Variants in RSU1 observed in about 807,000 individuals in gnomAD.
RSU1 encodes the protein Ras suppressor protein 1.
In RSU1, 26 loss-of-function variants were observed where a neutral mutation model predicts 31.1. That is an observed-to-expected ratio of 0.84 (90% CI 0.61 to 1.16). The LOEUF is 1.16. RSU1 is among the 50% of genes most tolerant of loss of function. The pLI is 0.00. For synonymous variants in RSU1, 164 were observed against 136.3 expected (o/e 1.20, Z -1.41); for missense variants, 320 against 339.1 (o/e 0.94, Z 0.44).
intron 3 of RSU1, among the ~76,000 whole-genome samples, chr10:16,777,856 G>A (rs1182003523): frequency 2.0e-5 from 3 of 152,032 alleles, no homozygotes; most frequent in South Asian, 2.1e-4. Context: ...GATGACCTTC[G>A]GCATTATTGC....
intron 8 of RSU1, among the ~76,000 whole-genome samples, chr10:16,617,587 T>C (rs969995387): frequency 2.0e-5 from 3 of 152,288 alleles, no homozygotes; most frequent in South Asian, 2.1e-4. Context: ...CTTCAAACTA[T>C]ACTACAAGGC....
At chr10:16,729,116 C>G (rs1228515560) in intron 7 of RSU1, among the ~76,000 whole-genome samples, 1 of 152,184 alleles carries the variant, frequency 6.6e-6, no homozygotes, top group Non-Finnish European at 1.5e-5. Flanking sequence ...ACTTATTTTT[C>G]TAGGCCTCAA....
intron 7 of RSU1, among the ~76,000 whole-genome samples, chr10:16,743,928 C>T (rs1418321469): frequency 3.3e-5 from 5 of 151,822 alleles, no homozygotes; most frequent in East Asian, 1.9e-4. Flanking sequence ...CTCAGGAGTT[C>T]GAGACCAGCC....
At chr10:16,757,070 TG>T (rs1837106717) in intron 4 of RSU1, among the ~76,000 whole-genome samples, 1 of 108,146 alleles carries the variant, frequency 9.2e-6, no homozygotes, top group Non-Finnish European at 1.9e-5. Flanking sequence ...GTACACGGTA[TG>T]TGTGTGTGCT....
intron 8 of RSU1, among the ~76,000 whole-genome samples, chr10:16,642,949 T>C (rs1469409784): frequency 3.3e-5 from 5 of 152,344 alleles, no homozygotes; most frequent in African/African-American, 1.2e-4. Flanking sequence ...ATTAAAATGT[T>C]AATTTTAAGA....
chr10:16,815,409 A>C (rs1838508160), intron 2 of RSU1, among the ~76,000 whole-genome samples: 1 of 152,178 alleles, frequency 6.6e-6, no homozygotes, highest in Non-Finnish European at 1.5e-5. Flanking sequence ...ATTCACAGTA[A>C]ACCTGACTCT....
chr10:16,705,086 C>T (rs1311836716), intron 7 of RSU1, among the ~76,000 whole-genome samples: 1 of 152,192 alleles, frequency 6.6e-6, no homozygotes, highest in Non-Finnish European at 1.5e-5. Context: ...GTGATTTTGA[C>T]TGTTCTAAGT....
Position 16,808,516 on chromosome 10 carries a change from C to G in RSU1, c.109+8457G>C, listed in dbSNP as rs779258153. 1.6e-3 allele frequency among the ~76,000 whole-genome samples: 231 copies of G among 147,126 alleles called. 2 individuals are homozygous for G. Among genetic ancestry groups the G allele is most frequent in the Non-Finnish European group, 3.0e-3 (204 of 66,960 alleles). On this transcript the variant is annotated intron_variant, in intron 2 of 8. Coordinates refer to ENST00000345264, the MANE Select transcript of RSU1 (RefSeq NM_012425.4). ...AAAAAAAAAAAAAAAACAAAGTGAA[C>G]TCCGTTTCCACCACTGCCTGAGTGA...
At chr10:16,695,609 AG>A (rs1309512103) in intron 7 of RSU1, among the ~76,000 whole-genome samples, 1 of 152,186 alleles carries the variant, frequency 6.6e-6, no homozygotes, top group African/African-American at 2.4e-5. Flanking sequence ...ATATTACCCA[AG>A]CCAAACCGTT....
chr10:16,687,765 G>A (rs1835465524), intron 8 of RSU1, among the ~76,000 whole-genome samples: 1 of 152,110 alleles, frequency 6.6e-6, no homozygotes, highest in Non-Finnish European at 1.5e-5. Flanking sequence ...TATCACTGAA[G>A]CTGGAGTTCA....
In RSU1 at chr10:16,766,362, C is replaced by G. The variant is rs537224942; in HGVS notation, c.161-1852G>C. 7.2e-5 allele frequency among the ~76,000 whole-genome samples: 11 copies of G among 152,350 alleles called. 1 individual carries two copies. The South Asian group carries it at 8.3e-4, about 11-fold the overall frequency. On this transcript the variant is annotated intron_variant, in intron 3 of 8. Transcript: ENST00000345264. ...AAATGTACATTCTTTCTTAGGTGCA[C>G]AGTCCATGGAACACTTCTGTGTAAA... is the stretch of plus-strand genomic sequence containing the variant.
intron 7 of RSU1, among the ~76,000 whole-genome samples, chr10:16,720,012 C>T (rs923814420): frequency 1.3e-5 from 2 of 152,310 alleles, no homozygotes; most frequent in African/African-American, 4.8e-5. Context: ...AGGATTAACT[C>T]ATCTCCCAAA....
intron 7 of RSU1, among the ~76,000 whole-genome samples, chr10:16,705,469 T>C (rs1835878702): frequency 6.6e-6 from 1 of 152,084 alleles, no homozygotes. Flanking sequence ...TGTTCTGCTA[T>C]TTTTGTTTTT....
intron 2 of RSU1, among the ~76,000 whole-genome samples, chr10:16,816,230 C>T (rs1210604003): frequency 6.6e-6 from 1 of 152,014 alleles, no homozygotes; most frequent in Non-Finnish European, 1.5e-5. Context: ...GGCCAACATT[C>T]CTATGGTGAC....
At chr10:16,604,296 C>A (rs559618748) in intron 8 of RSU1, among the ~76,000 whole-genome samples, 87 of 152,282 alleles carry the variant, frequency 5.7e-4, no homozygotes, top group Non-Finnish European at 1.0e-3. Context: ...GACCAGTGCG[C>A]CTCGACTATA....
intron 2 of RSU1, among the ~76,000 whole-genome samples, chr10:16,785,392 CTCTCTCTA>C (rs1006118668): frequency 3.0e-5 from 2 of 66,530 alleles, no homozygotes; most frequent in South Asian, 3.5e-4. Context: ...CTCATTCACT[CTCTCTCTA>C]TCTTTCTATA....
intron 3 of RSU1, among the ~76,000 whole-genome samples, chr10:16,770,103 C>A (rs1039895788): frequency 6.6e-6 from 1 of 152,078 alleles, no homozygotes; most frequent in African/African-American, 2.4e-5. Flanking sequence ...TGGCAGGATG[C>A]TGGGTGGTAG....
intron 5 of RSU1, among the ~76,000 whole-genome samples, chr10:16,754,499 TC>T (rs1837042527): frequency 6.6e-6 from 1 of 151,864 alleles, no homozygotes; most frequent in Non-Finnish European, 1.5e-5. Flanking sequence ...GGTTGGAATA[TC>T]CTGGGCAAAT....
At chr10:16,794,225 T>C (rs1218934505) in intron 2 of RSU1, among the ~76,000 whole-genome samples, 2 of 152,216 alleles carry the variant, frequency 1.3e-5, no homozygotes, top group Non-Finnish European at 2.9e-5. Flanking sequence ...TTAGCCTCCA[T>C]AATCACCTGG....
Sources: gnomAD v4.1 joint callset for allele counts (sites outside exome capture counted in the v4.1 genomes callset) on GRCh38, gnomAD v4.1.1 for gene constraint, MANE v1.5 for transcripts, NCBI Gene and HGNC (gene_info 2026-07-23, HGNC 2026-07-21) for gene names.